Variants in MSI2 observed in about 807,000 individuals in gnomAD.
MSI2 encodes RNA-binding protein Musashi homolog 2.
In MSI2, 17 loss-of-function variants were observed where a neutral mutation model predicts 45.6. That is an observed-to-expected ratio of 0.37 (90% CI 0.26 to 0.56). MSI2 has a LOEUF of 0.56. MSI2 is among the 20% of genes least tolerant of loss of function. The probability of loss-of-function intolerance (pLI) is 0.77; values close to 1 mark genes in which losing one functional copy is unlikely to be tolerated. For missense variants in MSI2, 293 were observed against 444.2 expected (o/e 0.66, Z 3.06); for synonymous variants, 156 against 158.2 (o/e 0.99, Z 0.11).
chr17:57,410,297 C>G (rs531852037), intron 6 of MSI2, among the ~76,000 whole-genome samples: 1 of 151,616 alleles, frequency 6.6e-6, no homozygotes, highest in South Asian at 2.1e-4. Flanking sequence ...ATACTCCTTC[C>G]TGCGTGCTCC....
intron 5 of MSI2, among the ~76,000 whole-genome samples, chr17:57,382,445 G>A (rs762026428): frequency 2.0e-4 from 31 of 152,184 alleles, no homozygotes; most frequent in Non-Finnish European, 3.8e-4. Flanking sequence ...TCTGAGAATC[G>A]TGATAGGAGG....
chr17:57,310,230 A>G (rs1912268399), intron 5 of MSI2, among the ~76,000 whole-genome samples: 1 of 152,190 alleles, frequency 6.6e-6, no homozygotes, highest in African/African-American at 2.4e-5. Context: ...GGCAGCTAGC[A>G]CATTGCCTGT....
At chr17:57,521,197 G>C (rs781506776) in intron 6 of MSI2, among the ~76,000 whole-genome samples, 11 of 152,168 alleles carry the variant, frequency 7.2e-5, no homozygotes, top group Non-Finnish European at 1.3e-4. Flanking sequence ...TGTAGCAGGA[G>C]GAGGCCAAGA....
chr17:57,401,045 T>A (rs1439167760), intron 5 of MSI2, among the ~76,000 whole-genome samples: 1 of 152,208 alleles, frequency 6.6e-6, no homozygotes, highest in Non-Finnish European at 1.5e-5. Flanking sequence ...GGGTCTGTTT[T>A]GTTCACGTCT....
chr17:57,403,629 C>CT (rs1177108529), intron 6 of MSI2, among the ~76,000 whole-genome samples: 4 of 152,034 alleles, frequency 2.6e-5, no homozygotes, highest in Non-Finnish European at 4.4e-5. Context: ...ATTTTAGTAG[C>CT]TTTTTTTTCA....
At chr17:57,464,708 C>G (rs963947401) in intron 6 of MSI2, among the ~76,000 whole-genome samples, 1 of 152,168 alleles carries the variant, frequency 6.6e-6, no homozygotes, top group Non-Finnish European at 1.5e-5. Context: ...TCTTTGGAAG[C>G]CTGAGAGTTC....
intron 5 of MSI2, among the ~76,000 whole-genome samples, chr17:57,383,401 A>G (rs1392344466): frequency 1.3e-5 from 2 of 152,242 alleles, no homozygotes; most frequent in Non-Finnish European, 2.9e-5. Flanking sequence ...TCATGCCTGT[A>G]ATCCCAGCAC....
intron 5 of MSI2, among the ~76,000 whole-genome samples, chr17:57,369,362 C>T (rs777588870): frequency 5.3e-5 from 8 of 152,130 alleles, no homozygotes; most frequent in African/African-American, 1.4e-4. Context: ...AGTTGTAGCT[C>T]GGGGACCTTG....
chr17:57,257,435 C>CA, intron 2 of MSI2, 31 bp from the exon 3 acceptor site: 1 of 1,157,326 alleles, frequency 8.6e-7, no homozygotes, highest in Non-Finnish European at 1.3e-6. Context: ...CCTTCTCTCC[C>CA]CCCCCCATCT....
At chr17:57,372,543 T>A (rs1240807857) in intron 5 of MSI2, among the ~76,000 whole-genome samples, 3 of 152,232 alleles carry the variant, frequency 2.0e-5, no homozygotes, top group Non-Finnish European at 4.4e-5. Context: ...TATTGATATG[T>A]TTTCTCTTTT....
At chr17:57,554,656 G>A (rs2087389746) in intron 7 of MSI2, among the ~76,000 whole-genome samples, 1 of 152,254 alleles carries the variant, frequency 6.6e-6, no homozygotes, top group Non-Finnish European at 1.5e-5. Context: ...ACTGGGCTGA[G>A]CAATTCTTTT....
intron 5 of MSI2, among the ~76,000 whole-genome samples, chr17:57,289,806 G>C (rs1466304917): frequency 6.6e-6 from 1 of 152,244 alleles, no homozygotes; most frequent in African/African-American, 2.4e-5. Flanking sequence ...CGGCAGCCCG[G>C]TGCACCCTGC....
rs1555621979 is a variant in MSI2 at position 57,547,789 on chromosome 17, C to CACACACAT, written c.454+18065_454+18066insACACACAT. 8.9e-3 allele frequency among the ~76,000 whole-genome samples: 1,295 copies of CACACACAT among 145,148 alleles called. 12 individuals carry two copies. The highest frequency in any genetic ancestry group is 0.015 in the Middle Eastern group (4 of 274). On this transcript the variant is annotated intron_variant, in intron 7 of 13. Transcript: ENST00000284073. ...ACACACACACACACACACACACACA[C>CACACACAT]GTCTCTGGAGAATTAACATAACCTA...
At chr17:57,261,344 T>C (rs1225843697) in intron 4 of MSI2, among the ~76,000 whole-genome samples, 2 of 149,794 alleles carry the variant, frequency 1.3e-5, no homozygotes, top group African/African-American at 2.5e-5. Flanking sequence ...GACTACTTCT[T>C]GTATTCAGTA....
intron 7 of MSI2, among the ~76,000 whole-genome samples, chr17:57,586,617 G>A (rs529050706): frequency 6.6e-6 from 1 of 152,344 alleles, no homozygotes; most frequent in East Asian, 1.9e-4. Flanking sequence ...GGGAGTAGAA[G>A]CAGGATCTGT....
rs1352284527 is a variant in MSI2, at chr17:57,280,200, C to T, written c.312+18008C>T. On this transcript the variant is annotated intron_variant, in intron 5 of 13. Transcript: ENST00000284073. The surrounding 1 kb of genome is among the most constrained non-coding windows in gnomAD (Gnocchi z 4.2). ...ACAGGCGAGGTCACACTTGCGTTGGCGGGGATAAAAATTCTTATCTTAGGA... is the reference window on the plus strand; with the variant it reads ...ACAGGCGAGGTCACACTTGCGTTGGTGGGGATAAAAATTCTTATCTTAGGA... Among the ~76,000 whole-genome samples, 1 of 151,876 alleles carries T rather than the reference C, an allele frequency of 6.6e-6. No individual in the cohort carries two copies. The highest frequency in any genetic ancestry group is 2.4e-5 in the African/African-American group (1 of 41,294).
intron 11 of MSI2, among the ~76,000 whole-genome samples, chr17:57,663,626 GAA>G (rs1912163769): frequency 6.6e-6 from 1 of 152,226 alleles, no homozygotes; most frequent in African/African-American, 2.4e-5. Flanking sequence ...ATCCTTCAGA[GAA>G]AAGACAGACA....
chr17:57,692,009 T>C, the MSI2 span, among the ~76,000 whole-genome samples: 1 of 152,226 alleles, frequency 6.6e-6, no homozygotes, highest in Non-Finnish European at 1.5e-5. Flanking sequence ...TTCCATCCTA[T>C]TCCTACTTTG....
intron 8 of MSI2, among the ~76,000 whole-genome samples, chr17:57,615,124 A>AT (rs35618682): frequency 0.32 from 42,156 of 132,536 alleles, 8,271 homozygotes; most frequent in Non-Finnish European, 0.45. Context: ...TTGCACAAGA[A>AT]TTTTTTTTTT....
Sources: allele counts gnomAD v4.1 joint callset (sites outside exome capture counted in the v4.1 genomes callset), GRCh38; gene constraint gnomAD v4.1.1; non-coding constraint Gnocchi (gnomAD v3.1); transcripts MANE v1.5; gene names NCBI Gene and HGNC (gene_info 2026-07-23, HGNC 2026-07-21).